COMMD10: variants seen among roughly 807,000 people sequenced by gnomAD.
COMMD10 encodes the protein COMM domain-containing protein 10.
A neutral mutation model predicts 28.9 loss-of-function variants in COMMD10; 33 were observed. The ratio of observed to expected loss-of-function variants is 1.14; its 90% CI spans 0.87 to 1.53. The LOEUF (loss-of-function observed/expected upper bound fraction) is 1.53, where lower values mean the gene tolerates loss of function less well. Ranked by LOEUF, COMMD10 falls within the 40% of genes most tolerant of loss-of-function variation. The probability of loss-of-function intolerance (pLI) is 0.00; values close to 1 mark genes in which losing one functional copy is unlikely to be tolerated. For synonymous variants in COMMD10, 110 were observed against 81.7 expected (o/e 1.35, Z -1.87); for missense variants, 310 against 233.4 (o/e 1.33, Z -2.14).
At chr5:116,232,305 G>A (rs1051562860) in intron 5 of COMMD10, among the ~76,000 whole-genome samples, 1 of 151,414 alleles carries the variant, frequency 6.6e-6, no homozygotes, top group African/African-American at 2.4e-5. Flanking sequence ...GCCCAATAAT[G>A]AGTATTGCAC....
chr5:116,222,589 C>A (rs573260657), intron 5 of COMMD10, among the ~76,000 whole-genome samples: 41 of 152,224 alleles, frequency 2.7e-4, no homozygotes, highest in African/African-American at 9.6e-4. Context: ...TGAGGCTGGA[C>A]AGAAAGATAA....
chr5:116,131,835 G>A (rs1370248902), intron 4 of COMMD10, among the ~76,000 whole-genome samples: 3 of 151,978 alleles, frequency 2.0e-5, no homozygotes, highest in Non-Finnish European at 2.9e-5. Context: ...AATAACAGAG[G>A]AGGTGACACT....
intron 5 of COMMD10, among the ~76,000 whole-genome samples, chr5:116,251,598 C>G (rs1281488503): frequency 6.6e-6 from 1 of 151,062 alleles, no homozygotes; most frequent in African/African-American, 2.4e-5. Context: ...CCAATTTCAT[C>G]CATGTCCCTA....
chr5:116,255,688 C>G (rs981942884), intron 5 of COMMD10: 7 of 151,582 alleles, frequency 4.6e-5, no homozygotes, highest in South Asian at 2.1e-4. Flanking sequence ...TAAGCTAACA[C>G]TGTTATTTAA....
At chr5:116,126,506 A>G (rs7733750) in intron 4 of COMMD10, among the ~76,000 whole-genome samples, 136,343 of 151,856 alleles carry the variant, frequency 0.9, 61,354 homozygotes, top group African/African-American at 0.94. Flanking sequence ...GAAGCATCAC[A>G]TTACCGGACT....
At chr5:116,215,141 T>C (rs1390781950) in intron 5 of COMMD10, among the ~76,000 whole-genome samples, 1 of 152,052 alleles carries the variant, frequency 6.6e-6, no homozygotes, top group South Asian at 2.1e-4. Context: ...AATTATACTT[T>C]TGGTATCTCT....
intron 5 of COMMD10, among the ~76,000 whole-genome samples, chr5:116,288,690 T>C (rs1416716171): frequency 6.6e-6 from 1 of 151,706 alleles, no homozygotes; most frequent in Non-Finnish European, 1.5e-5. Flanking sequence ...AGTTCACTGA[T>C]TCTTCATTCT....
At chr5:116,195,854 C>CA (rs1243164776) in intron 5 of COMMD10, among the ~76,000 whole-genome samples, 1 of 152,060 alleles carries the variant, frequency 6.6e-6, no homozygotes, top group East Asian at 1.9e-4. Context: ...CACTAATGAC[C>CA]AGGGAAATAC....
chr5:116,085,069 C>T lies in COMMD10; in HGVS notation c.17C>T (p.Ala6Val). MAVPA[A>V]LILRESPSMK... ...AAGCCGAAGATGGCGGTCCCCGCGG[C>T]GCTGATCCTACGGGAGAGCCCCAGG... The change falls in exon 1 of 7, where the codon GCG becomes GTG. Residue 6 changes from alanine (A) to valine (V), a missense_variant. By Grantham distance (64) the Ala-to-Val change is moderately conservative (BLOSUM62 0). Coordinates refer to ENST00000274458, the MANE Select transcript of COMMD10 (RefSeq NM_016144.4). The T allele has an allele frequency of 1.2e-6, 2 of 1,609,954 alleles. No individual in the cohort carries two copies. Among genetic ancestry groups the T allele is most frequent in the Admixed American group, 1.7e-5 (1 of 59,798 alleles).
At chr5:116,101,633 G>T (rs1206791035) in intron 4 of COMMD10, among the ~76,000 whole-genome samples, 1 of 152,024 alleles carries the variant, frequency 6.6e-6, no homozygotes, top group Non-Finnish European at 1.5e-5. Flanking sequence ...CACCATGTTG[G>T]TCAGGCTGGT....
At position 116,252,001 on chromosome 5, in the gene COMMD10, A is replaced by T. The variant is rs1391023120; in HGVS notation, c.511-39516A>T. On this transcript the variant is annotated intron_variant, in intron 5 of 6. Transcript: ENST00000274458. ...GATTGCCATTCTAAGTGGTGTGAGA[A>T]GGTGGCAAATCTCATTGTGGTTTTG... Among the ~76,000 whole-genome samples, 14 of 6,190 alleles carry T rather than the reference A, an allele frequency of 2.3e-3. No individual in the cohort carries two copies. In the East Asian group the frequency reaches 0.45, roughly 199 times the overall value. The allele number at this position is 6,190 out of a possible 152,430, so 4.1% of individuals were successfully genotyped here. A position where few individuals can be genotyped will look rare whatever the true frequency, so the allele number is the denominator to read the frequency against.
intron 5 of COMMD10, among the ~76,000 whole-genome samples, chr5:116,220,709 G>T (rs962496527): frequency 2.6e-5 from 4 of 152,234 alleles, no homozygotes; most frequent in African/African-American, 9.6e-5. Context: ...GAAAAATTAT[G>T]TTTCTAAATT....
chr5:116,095,564 C>A (rs1280816762), intron 4 of COMMD10, among the ~76,000 whole-genome samples: 1 of 151,946 alleles, frequency 6.6e-6, no homozygotes, highest in East Asian at 1.9e-4. Context: ...CGTATTTTCT[C>A]CTAATCTGTA....
chr5:116,256,479 GATCTGAAGA>G (rs1561395395), intron 5 of COMMD10, among the ~76,000 whole-genome samples: 1 of 151,670 alleles, frequency 6.6e-6, no homozygotes, highest in East Asian at 1.9e-4. Flanking sequence ...TGACAGTTAA[GATCTGAAGA>G]ATCTTGATTA....
At chr5:116,189,755 A>T (rs927424957) in intron 5 of COMMD10, among the ~76,000 whole-genome samples, 1 of 152,234 alleles carries the variant, frequency 6.6e-6, no homozygotes, top group African/African-American at 2.4e-5. Context: ...TCATGACATC[A>T]GAAGAAAACA....
intron 5 of COMMD10, among the ~76,000 whole-genome samples, chr5:116,251,266 TTTTA>T (rs139799729): frequency 0.61 from 83,703 of 137,796 alleles, 27,885 homozygotes; most frequent in Non-Finnish European, 0.75. Flanking sequence ...ACTCTTTTCT[TTTTA>T]TTTATTTATT....
intron 5 of COMMD10, among the ~76,000 whole-genome samples, chr5:116,166,073 T>A (rs1753080746): frequency 6.6e-6 from 1 of 152,138 alleles, no homozygotes. Context: ...ACCTAGACAT[T>A]CTATGGCCGA....
intron 5 of COMMD10, among the ~76,000 whole-genome samples, chr5:116,269,141 TG>T: frequency 6.6e-6 from 1 of 151,742 alleles, no homozygotes; most frequent in African/African-American, 2.4e-5. Context: ...GAAAAAAAAT[TG>T]GTTTTTACTG....
chr5:116,109,323 C>T (rs770981348), intron 4 of COMMD10, among the ~76,000 whole-genome samples: 7 of 152,196 alleles, frequency 4.6e-5, no homozygotes, highest in Admixed American at 6.5e-5. Context: ...TGGGCTCATG[C>T]CTGTCATTTC....
Sources: gnomAD v4.1 joint callset for allele counts (sites outside exome capture counted in the v4.1 genomes callset) on GRCh38, gnomAD v4.1.1 for gene constraint, MANE v1.5 for transcripts, NCBI Gene and HGNC (gene_info 2026-07-23, HGNC 2026-07-21) for gene names.